RORB: variants seen among roughly 807,000 people sequenced by gnomAD.
RORB encodes the protein nuclear receptor ROR-beta.
Under a neutral mutation model 59.1 loss-of-function variants are expected in RORB, and 6 were observed. That is an observed-to-expected ratio of 0.10 (90% CI 0.06 to 0.20). The LOEUF (loss-of-function observed/expected upper bound fraction) is 0.20, where lower values mean the gene tolerates loss of function less well. RORB is among the 10% of genes least tolerant of loss of function. The pLI, the probability that RORB is intolerant of heterozygous loss-of-function variation, is 1.00. For missense variants in RORB, 320 were observed against 560.5 expected, an observed-to-expected ratio of 0.57 and a Z score of 4.33; for synonymous variants, 215 against 204.5, an observed-to-expected ratio of 1.05 and a Z score of -0.44.
intron 9 of RORB, 41 bp downstream of exon 9, chr9:74,671,942 G>A: frequency 8.9e-7 from 1 of 1,124,326 alleles, no homozygotes. Context: ...CCAAAAGAGA[G>A]CACAGTGAGC....
chr9:74,593,480 A>AC (rs1448293714), intron 1 of RORB, among the ~76,000 whole-genome samples: 1 of 151,908 alleles, frequency 6.6e-6, no homozygotes, highest in Non-Finnish European at 1.5e-5. Flanking sequence ...AAAAAAAAAA[A>AC]AAAACAAAAG....
intron 1 of RORB, among the ~76,000 whole-genome samples, chr9:74,552,999 A>G (rs1320363464): frequency 6.6e-6 from 1 of 152,140 alleles, no homozygotes; most frequent in Non-Finnish European, 1.5e-5. Flanking sequence ...ATGTTCAAGT[A>G]TCAGAAAGAA....
rs1587403772 is a variant in RORB at position 74,646,130 on chromosome 9, A to T, written c.637+3315A>T. On this transcript the variant is annotated intron_variant, in intron 4 of 9. Transcript: ENST00000376896. ...GGTGAATTTGAGATTATGTCACACC[A>T]AAAAAAAAAAAAATTTAACATCACC... 4.9e-3 allele frequency among the ~76,000 whole-genome samples: 17 copies of T among 3,490 alleles called. No homozygotes were observed. The South Asian group carries it at 0.11, about 22-fold the overall frequency. The allele number at this position is 3,490 out of a possible 152,430, so 2.3% of individuals were successfully genotyped here.
chr9:74,525,862 C>T (rs1818180818), intron 1 of RORB, among the ~76,000 whole-genome samples: 2 of 151,864 alleles, frequency 1.3e-5, no homozygotes, highest in African/African-American at 4.8e-5. Flanking sequence ...AGAGCCAACG[C>T]TGAGAGACAT....
intron 9 of RORB, among the ~76,000 whole-genome samples, chr9:74,680,959 T>C (rs1313031033): frequency 6.6e-6 from 1 of 152,204 alleles, no homozygotes; most frequent in East Asian, 1.9e-4. Context: ...ATAGGATTAT[T>C]ATCTCTTCTC....
rs1824741360 is a variant in RORB, at chr9:74,691,567, A to G, written c.*5949A>G. 1 of 152,202 alleles carries G rather than the reference A, an allele frequency of 6.6e-6. No homozygotes were observed. 9.4% of individuals were successfully genotyped at this position (152,202 alleles called of 1,614,324 possible). On this transcript the variant is annotated 3_prime_UTR_variant, in exon 10 of 10. Coordinates refer to ENST00000376896, the MANE Select transcript of RORB (RefSeq NM_006914.4). Reference sequence around the variant, plus strand: ...TTTCAAATGTAATTACTTTTAATATATGCTTGTGGAAGGTCTAATACAATG... The same window carrying G: ...TTTCAAATGTAATTACTTTTAATATGTGCTTGTGGAAGGTCTAATACAATG...
At chr9:74,571,336 C>T (rs138861998) in intron 1 of RORB, among the ~76,000 whole-genome samples, 1 of 149,650 alleles carries the variant, frequency 6.7e-6, no homozygotes, top group East Asian at 2.0e-4. Flanking sequence ...TGATGCATTA[C>T]AATAGTACAC....
intron 4 of RORB, among the ~76,000 whole-genome samples, chr9:74,659,511 T>TTGTTTTGTTTTGCTTCGTC (rs1824146299): frequency 4.0e-5 from 6 of 151,596 alleles, no homozygotes; most frequent in African/African-American, 1.5e-4. Context: ...TTTGCTTCGT[T>TTGTTTTGTTTTGCTTCGTC]TTGTTTTGTT....
At position 74,566,077 on chromosome 9, in the gene RORB, G is replaced by A. The variant is rs145481130; in HGVS notation, c.8-64205G>A. 2.7e-3 allele frequency among the ~76,000 whole-genome samples: 410 copies of A among 152,146 alleles called. 2 individuals are homozygous for A. The highest frequency in any genetic ancestry group is 4.0e-3 in the Non-Finnish European group (270 of 68,002). Reference sequence around the variant, plus strand: ...GTCATCAATGTATGTGCTACTTATTGAGGGCAATGGTAAATCTGCTTCCTT... The same window carrying A: ...GTCATCAATGTATGTGCTACTTATTAAGGGCAATGGTAAATCTGCTTCCTT... On this transcript the variant is annotated intron_variant, in intron 1 of 9. Coordinates refer to ENST00000376896, the MANE Select transcript of RORB (RefSeq NM_006914.4).
In RORB at chr9:74,627,677, T is replaced by G. The variant is rs201472008; in HGVS notation, c.8-2605T>G. Among the ~76,000 whole-genome samples, 13 of 152,224 alleles carry G rather than the reference T, an allele frequency of 8.5e-5. No homozygotes were observed. The East Asian group carries it at 2.3e-3, about 27-fold the overall frequency. Reference sequence around the variant, plus strand: ...TGTAAGCTACTCCCTGGGGAGTAATTTATGCAAAGAGAACCTTTGACTTAA... The same window carrying G: ...TGTAAGCTACTCCCTGGGGAGTAATGTATGCAAAGAGAACCTTTGACTTAA... On this transcript the variant is annotated intron_variant, in intron 1 of 9. Coordinates refer to ENST00000376896, the MANE Select transcript of RORB (RefSeq NM_006914.4).
chr9:74,566,146 AG>A (rs1822465159), intron 1 of RORB, among the ~76,000 whole-genome samples: 1 of 152,100 alleles, frequency 6.6e-6, no homozygotes, highest in African/African-American at 2.4e-5. Context: ...AAACGATGAA[AG>A]GAAGAGTGAG....
intron 1 of RORB, among the ~76,000 whole-genome samples, chr9:74,618,518 C>T (rs1456702586): frequency 6.6e-6 from 1 of 152,084 alleles, no homozygotes; most frequent in East Asian, 1.9e-4. Context: ...ACATAGCCTC[C>T]TTCTTTTCTC....
intron 1 of RORB, among the ~76,000 whole-genome samples, chr9:74,515,616 A>C (rs1825998048): frequency 6.6e-6 from 1 of 152,048 alleles, no homozygotes; most frequent in Admixed American, 6.6e-5. Context: ...CCATGAAAAA[A>C]TATGCTTTCT....
chr9:74,639,006 T>G (rs969140003), intron 3 of RORB, among the ~76,000 whole-genome samples: 1 of 152,170 alleles, frequency 6.6e-6, no homozygotes, highest in African/African-American at 2.4e-5. Flanking sequence ...CTTTGTTGAG[T>G]TTTTAGATGT....
rs778705150 is a variant in RORB, at chr9:74,599,332, G to A, written c.8-30950G>A. On this transcript the variant is annotated intron_variant, in intron 1 of 9. Coordinates refer to ENST00000376896, the MANE Select transcript of RORB (RefSeq NM_006914.4). ...TCCACCAGAAAAAAAAAAATGCCAC[G>A]AATTGAAATGCTAACTATTATTCAA... Among the ~76,000 whole-genome samples, 262 of 151,538 alleles carry A rather than the reference G, an allele frequency of 1.7e-3. 9 individuals are homozygous for A. The highest frequency in any genetic ancestry group is 9.9e-4 in the Admixed American group (15 of 15,222).
intron 2 of RORB, 46 bp downstream of exon 2, chr9:74,630,413 C>G: frequency 7.0e-7 from 1 of 1,424,156 alleles, no homozygotes; most frequent in Non-Finnish European, 9.7e-7. Flanking sequence ...CCTCAGGCAT[C>G]TGTGTACCTC....
chr9:74,626,047 G>A (rs1823508631), intron 1 of RORB, among the ~76,000 whole-genome samples: 1 of 152,118 alleles, frequency 6.6e-6, no homozygotes, highest in East Asian at 1.9e-4. Context: ...AGGTTCTGAG[G>A]GGGCAGAACT....
chr9:74,641,663 G>A (rs1480303292), intron 3 of RORB, among the ~76,000 whole-genome samples: 3 of 152,050 alleles, frequency 2.0e-5, no homozygotes, highest in Non-Finnish European at 4.4e-5. Context: ...CACTTTGAGA[G>A]GCCGAGACAG....
At chr9:74,644,954 A>C (rs1823871672) in intron 4 of RORB, among the ~76,000 whole-genome samples, 1 of 152,212 alleles carries the variant, frequency 6.6e-6, no homozygotes, top group African/African-American at 2.4e-5. Flanking sequence ...AACTGACAGA[A>C]CTGGACTAGA....
Sources: allele counts gnomAD v4.1 joint callset (sites outside exome capture counted in the v4.1 genomes callset), GRCh38; gene constraint gnomAD v4.1.1; transcripts MANE v1.5; gene names NCBI Gene and HGNC (gene_info 2026-07-23, HGNC 2026-07-21).